Variants in ACO1 observed in about 807,000 individuals in gnomAD.
The protein encoded by ACO1 is aconitase 1.
In ACO1, 78 loss-of-function variants were observed where a neutral mutation model predicts 105.1. That is an observed-to-expected ratio of 0.74 (90% CI 0.62 to 0.90). The LOEUF is 0.90. Among genes scored for constraint, ACO1 ranks in the 40% least tolerant of loss-of-function variants. ACO1 has a pLI of 0.00. For synonymous variants in ACO1, 364 were observed against 397.4 expected (o/e 0.92, Z 1.00); for missense variants, 965 against 1,111.1 (o/e 0.87, Z 1.87).
At chr9:32,433,935 T>G (rs1822296497) in intron 16 of ACO1, 103 bp downstream of exon 16, 2 of 964,078 alleles carry the variant, frequency 2.1e-6, no homozygotes, top group Admixed American at 2.8e-5. Context: ...ACCCATTTTA[T>G]TAAACCCTTT....
intron 13 of ACO1, among the ~76,000 whole-genome samples, chr9:32,429,782 AGTGTCTG>A: frequency 2.6e-5 from 4 of 152,316 alleles, no homozygotes; most frequent in Admixed American, 2.6e-4. Flanking sequence ...CACTTAGTGC[AGTGTCTG>A]GCACTCAAGT....
At chr9:32,420,743 T>A (rs1821954619) in intron 7 of ACO1, 113 bp from the exon 8 acceptor site, 1 of 1,094,194 alleles carries the variant, frequency 9.1e-7, no homozygotes, top group Admixed American at 2.3e-5. Context: ...TTGGGCTGAT[T>A]TACTATTTGG....
At chr9:32,405,363 A>G (rs1276897093) in intron 1 of ACO1, 122 bp from the exon 2 acceptor site, 2 of 631,758 alleles carry the variant, frequency 3.2e-6, no homozygotes, top group Admixed American at 3.1e-5. Context: ...CAGTGTGTAC[A>G]TAGTTAAAAA....
At chr9:32,391,350 G>A (rs777234010) in intron 1 of ACO1, among the ~76,000 whole-genome samples, 1 of 152,196 alleles carries the variant, frequency 6.6e-6, no homozygotes, top group Non-Finnish European at 1.5e-5. Context: ...ATGTGAAGAC[G>A]CAAAAGCATC....
At chr9:32,401,695 G>A (rs1821499245) in intron 1 of ACO1, among the ~76,000 whole-genome samples, 1 of 152,178 alleles carries the variant, frequency 6.6e-6, no homozygotes, top group South Asian at 2.1e-4. Flanking sequence ...TGTGGTTGGG[G>A]AAAAACCCTA....
intron 4 of ACO1, among the ~76,000 whole-genome samples, chr9:32,409,027 A>G (rs1181894969): frequency 6.6e-6 from 1 of 152,092 alleles, no homozygotes; most frequent in African/African-American, 2.4e-5. Context: ...TTTGATCCCA[A>G]GTAACTGTTG....
chr9:32,411,685 T>A (rs978222722), intron 4 of ACO1, among the ~76,000 whole-genome samples: 1 of 152,176 alleles, frequency 6.6e-6, no homozygotes, highest in Admixed American at 6.5e-5. Flanking sequence ...GAGATGTCAT[T>A]TTCTTATCAA....
chr9:32,450,336 A>G lies in ACO1; in HGVS notation c.*225A>G, dbSNP rs1185836006. The stretch of plus-strand genomic sequence containing the variant: ...TCTTTTTCCAGAATTTGGAAGCTAG[A>G]ATGGTGGGAATGTCAGTAGTGCCAG... On this transcript the variant is annotated 3_prime_UTR_variant, in exon 21 of 21. Coordinates refer to ENST00000309951, the MANE Select transcript of ACO1 (RefSeq NM_002197.3). 4 of 611,562 alleles carry G rather than the reference A, an allele frequency of 6.5e-6. No individual in the cohort carries two copies. Among genetic ancestry groups the G allele is most frequent in the Non-Finnish European group, 1.2e-5 (4 of 324,246 alleles). The allele number at this position is 611,562 out of a possible 1,614,324, so 37.9% of individuals were successfully genotyped here.
chr9:32,401,567 G>C (rs753639314), intron 1 of ACO1, among the ~76,000 whole-genome samples: 3 of 152,154 alleles, frequency 2.0e-5, no homozygotes, highest in Non-Finnish European at 4.4e-5. Flanking sequence ...GGTGTCCCTA[G>C]GGAATGGTGA....
At chr9:32,424,090 G>A (rs894746494) in intron 9 of ACO1, among the ~76,000 whole-genome samples, 3 of 152,172 alleles carry the variant, frequency 2.0e-5, no homozygotes, top group Admixed American at 1.3e-4. Flanking sequence ...ACATTGAGGA[G>A]GGGAAATGTT....
chr9:32,440,721 T>A, intron 19 of ACO1, 134 bp downstream of exon 19: 1 of 1,204,740 alleles, frequency 8.3e-7, no homozygotes, highest in Non-Finnish European at 1.1e-6. Flanking sequence ...TAGTGTTTAT[T>A]CCTGGCCTGC....
At chr9:32,430,282 C>T in intron 13 of ACO1, 136 bp from the exon 14 acceptor site, 7 of 809,744 alleles carry the variant, frequency 8.6e-6, no homozygotes, top group Non-Finnish European at 1.3e-5. Flanking sequence ...CTTCTCCCCT[C>T]TAGTGGGAGA....
intron 10 of ACO1, among the ~76,000 whole-genome samples, chr9:32,424,880 G>T (rs1480257144): frequency 6.6e-6 from 1 of 151,286 alleles, no homozygotes; most frequent in Non-Finnish European, 1.5e-5. Flanking sequence ...ACCTTTTTAA[G>T]CATGTCTGCT....
chr9:32,449,847 G>C (rs1363006730), intron 20 of ACO1, 151 bp from the exon 21 acceptor site: 4 of 634,000 alleles, frequency 6.3e-6, no homozygotes, highest in Non-Finnish European at 8.6e-6. Context: ...TAGTGGGTCT[G>C]GGCTGGGGCC....
chr9:32,395,088 G>C (rs1399190309), intron 1 of ACO1, among the ~76,000 whole-genome samples: 1 of 152,198 alleles, frequency 6.6e-6, no homozygotes, highest in Admixed American at 6.5e-5. Context: ...AAATCATGCT[G>C]CTTTCTTAAA....
In ACO1 at chr9:32,408,533, G is replaced by A. The variant is rs746785385; in HGVS notation, c.286G>A (p.Asp96Asn). 23 of 1,614,050 alleles carry A rather than the reference G, an allele frequency of 1.4e-5. No individual in the cohort carries two copies. The South Asian group carries it at 2.5e-4, about 18-fold the overall frequency. Reference protein sequence around the residue: ...QDFTGVPAVVDFAAMRDAVKK... With the variant: ...QDFTGVPAVVNFAAMRDAVKK... ...TCTTAGGGGTGTGCCCGCTGTGGTT[G>A]ACTTTGCTGCAATGCGTGATGCTGT... The change falls in exon 4 of 21, where the codon GAC becomes AAC. Residue 96 changes from aspartate (D) to asparagine (N), a missense_variant. Physicochemically the swap from Asp to Asn is conservative, Grantham distance 23. Coordinates refer to ENST00000309951, the MANE Select transcript of ACO1 (RefSeq NM_002197.3).
intron 1 of ACO1, among the ~76,000 whole-genome samples, chr9:32,400,133 G>A (rs147270358): frequency 1.8e-4 from 27 of 151,876 alleles, no homozygotes; most frequent in African/African-American, 6.5e-4. Context: ...ACCATGCCCG[G>A]CTAATTTTTG....
chr9:32,436,097 G>C, intron 17 of ACO1, 153 bp from the exon 18 acceptor site: 1 of 1,021,306 alleles, frequency 9.8e-7, no homozygotes. Context: ...TTTGGGGACA[G>C]CTTTTCTGCC....
chr9:32,408,336 A>T (rs753309956), intron 3 of ACO1, among the ~76,000 whole-genome samples, 178 bp from the exon 4 acceptor site: 1 of 152,216 alleles, frequency 6.6e-6, no homozygotes, highest in Non-Finnish European at 1.5e-5. Flanking sequence ...CTTACTACCT[A>T]TGTGATTTCT....
Sources: allele counts gnomAD v4.1 joint callset (sites outside exome capture counted in the v4.1 genomes callset), GRCh38; gene constraint gnomAD v4.1.1; transcripts MANE v1.5; gene names NCBI Gene and HGNC (gene_info 2026-07-23, HGNC 2026-07-21).